Variants in HPSE2 observed in about 807,000 individuals in gnomAD.
HPSE2 encodes heparanase 2 (inactive).
In HPSE2, 38 loss-of-function variants were observed where a neutral mutation model predicts 60.5. That is an observed-to-expected ratio of 0.63 (90% CI 0.48 to 0.82). The LOEUF (loss-of-function observed/expected upper bound fraction) is 0.82, where lower values mean the gene tolerates loss of function less well. HPSE2 is among the 40% of genes least tolerant of loss of function. The pLI, the probability that HPSE2 is intolerant of heterozygous loss-of-function variation, is 0.00. For missense variants in HPSE2, 713 were observed against 740.4 expected, an observed-to-expected ratio of 0.96 and a Z score of 0.43; for synonymous variants, 295 against 293.2, an observed-to-expected ratio of 1.01 and a Z score of -0.06.
At chr10:98,849,785 G>A (rs1458580468) in intron 3 of HPSE2, among the ~76,000 whole-genome samples, 2 of 151,590 alleles carry the variant, frequency 1.3e-5, no homozygotes, top group East Asian at 1.9e-4. Flanking sequence ...TCGCTCTGTC[G>A]CCAGGCTGGA....
chr10:98,860,963 C>T (rs1302951429), intron 3 of HPSE2, among the ~76,000 whole-genome samples: 2 of 152,166 alleles, frequency 1.3e-5, no homozygotes, highest in Non-Finnish European at 2.9e-5. Context: ...GGGCAAGAAA[C>T]ATACAATCCA....
At chr10:98,855,334 G>A (rs1952286217) in intron 3 of HPSE2, among the ~76,000 whole-genome samples, 1 of 152,138 alleles carries the variant, frequency 6.6e-6, no homozygotes. Context: ...TGTGGGGATT[G>A]TGGATAGAGA....
chr10:98,781,306 T>TTTTTTTTTTTTTTTTTTTTTTTG (rs66481971), intron 3 of HPSE2, among the ~76,000 whole-genome samples: 5 of 120,106 alleles, frequency 4.2e-5, no homozygotes, highest in Non-Finnish European at 6.7e-5. Context: ...TTTTTTTTTT[T>TTTTTTTTTTTTTTTTTTTTTTTG]ATTTTTAAAT....
Position 98,743,987 on chromosome 10 carries a change from G to A in HPSE2, c.680C>T (p.Ala227Val). 1 of 1,614,088 alleles carries A rather than the reference G, an allele frequency of 6.2e-7. No individual in the cohort carries two copies. Among genetic ancestry groups the A allele is most frequent in the Non-Finnish European group, 8.5e-7 (1 of 1,179,934 alleles). Reference protein sequence around the residue: ...SGLHLIFALNALRRNPNNSWN... With the variant: ...SGLHLIFALNVLRRNPNNSWN... ...GGAGTTATTGGGATTACGACGCAGTGCATTTAGAGCAAATATCAGGTGGAG... is the reference window on the plus strand; with the variant it reads ...GGAGTTATTGGGATTACGACGCAGTACATTTAGAGCAAATATCAGGTGGAG... The change falls in exon 4 of 12, where the codon GCA (alanine) becomes GTA (valine). Residue 227 changes from alanine to valine, a missense_variant. Physicochemically the swap from Ala to Val is moderately conservative, Grantham distance 64. Coordinates refer to ENST00000370552, the MANE Select transcript of HPSE2 (RefSeq NM_021828.5).
At chr10:99,246,694 C>G in the HPSE2 span, among the ~76,000 whole-genome samples, 4 of 151,806 alleles carry the variant, frequency 2.6e-5, no homozygotes, top group African/African-American at 7.3e-5. Flanking sequence ...TTGCAGTGAG[C>G]CGAGATCACA....
chr10:98,971,047 C>T (rs1402471420), intron 3 of HPSE2, among the ~76,000 whole-genome samples: 4 of 151,950 alleles, frequency 2.6e-5, no homozygotes, highest in Non-Finnish European at 4.4e-5. Flanking sequence ...ATATTTATTT[C>T]CCTGATTCAA....
At chr10:99,130,376 CA>C (rs998245093) in intron 3 of HPSE2, among the ~76,000 whole-genome samples, 1 of 151,722 alleles carries the variant, frequency 6.6e-6, no homozygotes, top group Non-Finnish European at 1.5e-5. Flanking sequence ...CAAAAATCCT[CA>C]AAAAAAATAC....
chr10:98,473,211 G>A (rs1316439185), intron 11 of HPSE2, among the ~76,000 whole-genome samples: 4 of 152,000 alleles, frequency 2.6e-5, no homozygotes, highest in East Asian at 1.9e-4. Context: ...GTGGTCAGGC[G>A]CGGTGGCTCA....
chr10:99,013,037 C>T lies in HPSE2; in HGVS notation c.610+131201G>A. 2.7e-5 allele frequency: 12 copies of T among 452,714 alleles called. No individual in the cohort carries two copies. The South Asian group carries it at 3.0e-4, about 11-fold the overall frequency. The allele number at this position is 452,714 out of a possible 1,614,324, so 28.0% of individuals were successfully genotyped here. A position where few individuals can be genotyped will look rare whatever the true frequency, so the allele number is the denominator to read the frequency against. ...AATATATCTAAATCTTTAATTGCTG[C>T]AGCTTTCAGGTAAAGTTTAGCACTT... is the stretch of plus-strand genomic sequence containing the variant. On this transcript the variant is annotated intron_variant, in intron 3 of 11. Transcript: ENST00000370552.
intron 3 of HPSE2, among the ~76,000 whole-genome samples, chr10:99,018,642 G>A (rs1043287025): frequency 6.6e-6 from 1 of 152,050 alleles, no homozygotes; most frequent in African/African-American, 2.4e-5. Context: ...CAAAATTAAG[G>A]GCCAAATTAC....
the HPSE2 span, among the ~76,000 whole-genome samples, chr10:99,249,972 T>C: frequency 3.3e-5 from 5 of 151,922 alleles, no homozygotes; most frequent in African/African-American, 1.2e-4. Context: ...TGAAACCCTG[T>C]CTCTACTAAA....
intron 7 of HPSE2, among the ~76,000 whole-genome samples, chr10:98,638,158 A>T (rs1946546827): frequency 6.8e-6 from 1 of 147,632 alleles, no homozygotes; most frequent in Admixed American, 6.7e-5. Flanking sequence ...AAAAAAAAAA[A>T]AAAAAGGCTG....
chr10:98,727,709 G>C (rs1003168112), intron 4 of HPSE2, among the ~76,000 whole-genome samples: 1 of 151,096 alleles, frequency 6.6e-6, no homozygotes, highest in Non-Finnish European at 1.5e-5. Context: ...ATAATAAAGA[G>C]CTAAAGGAAA....
intron 3 of HPSE2, among the ~76,000 whole-genome samples, chr10:98,931,511 A>G (rs1468379160): frequency 7.0e-6 from 1 of 143,882 alleles, no homozygotes; most frequent in East Asian, 2.0e-4. Context: ...AAGAATGTCA[A>G]TGGTAGCTTA....
At chr10:99,233,476 T>A (rs1191310901) in intron 1 of HPSE2, among the ~76,000 whole-genome samples, 1 of 152,328 alleles carries the variant, frequency 6.6e-6, no homozygotes, top group Non-Finnish European at 1.5e-5. Flanking sequence ...TCAATAGGTT[T>A]TTTAAAAGCC....
At chr10:99,313,821 C>G in the HPSE2 span, among the ~76,000 whole-genome samples, 74,291 of 151,314 alleles carry the variant, frequency 0.49, 21,501 homozygotes, top group Non-Finnish European at 0.64. Flanking sequence ...AGGATGGTCT[C>G]GATCTCTTGA....
chr10:98,699,011 A>C (rs1281443463), intron 5 of HPSE2, among the ~76,000 whole-genome samples: 1,653 of 151,668 alleles, frequency 0.011, 13 homozygotes, highest in Middle Eastern at 0.017. Flanking sequence ...AGCTTACCAA[A>C]CAAAAAGAGT....
chr10:98,503,048 T>C (rs1564923593), intron 9 of HPSE2, among the ~76,000 whole-genome samples: 1 of 151,360 alleles, frequency 6.6e-6, no homozygotes, highest in Non-Finnish European at 1.5e-5. Context: ...CCCGTCTCTA[T>C]TAAAAATACA....
intron 3 of HPSE2, among the ~76,000 whole-genome samples, chr10:98,974,510 C>A (rs572656393): frequency 1.6e-4 from 25 of 152,158 alleles, no homozygotes; most frequent in African/African-American, 5.1e-4. Context: ...TCGTGATCCA[C>A]CCGCCTTGGC....
Sources: allele counts gnomAD v4.1 joint callset (sites outside exome capture counted in the v4.1 genomes callset), GRCh38; gene constraint gnomAD v4.1.1; transcripts MANE v1.5; gene names NCBI Gene and HGNC (gene_info 2026-07-23, HGNC 2026-07-21).